The following RIC1 variants were observed in gnomAD, a reference collection of about 807,000 sequenced individuals.
The protein encoded by RIC1 is guanine nucleotide exchange factor subunit RIC1.
RIC1 carries 88 observed loss-of-function variants against 169.0 expected under a neutral mutation model. The observed-to-expected ratio is 0.52, with a 90% confidence interval of 0.44 to 0.62. RIC1 has a LOEUF of 0.62. Among genes scored for constraint, RIC1 ranks in the 20% least tolerant of loss-of-function variants. The pLI is 0.00. For missense variants in RIC1, 1,877 were observed against 1,725.5 expected, an observed-to-expected ratio of 1.09 and a Z score of -1.56; for synonymous variants, 790 against 601.5, an observed-to-expected ratio of 1.31 and a Z score of -4.59.
chr9:5,678,060 A>C (rs543096706), intron 2 of RIC1, among the ~76,000 whole-genome samples: 113 of 144,174 alleles, frequency 7.8e-4, no homozygotes, highest in Middle Eastern at 3.5e-3. Flanking sequence ...ATGTGTTCTC[A>C]TTGTTCAATT....
intron 10 of RIC1, among the ~76,000 whole-genome samples, chr9:5,745,581 C>T (rs1291291183): frequency 6.6e-6 from 1 of 152,092 alleles, no homozygotes; most frequent in Non-Finnish European, 1.5e-5. Flanking sequence ...CCTGGGGTGT[C>T]TTCTGTAAGG....
chr9:5,669,562 C>G (rs538064313), intron 2 of RIC1, among the ~76,000 whole-genome samples: 86 of 152,042 alleles, frequency 5.7e-4, no homozygotes, highest in Non-Finnish European at 8.5e-4. Flanking sequence ...GTCATCTTGC[C>G]CATATGACAT....
chr9:5,724,272 C>T (rs1357714431), intron 6 of RIC1, among the ~76,000 whole-genome samples: 1 of 152,202 alleles, frequency 6.6e-6, no homozygotes, highest in African/African-American at 2.4e-5. Flanking sequence ...AGAGGTCCTT[C>T]ACATCCCTTG....
chr9:5,644,467 C>A (rs528455193), intron 1 of RIC1, among the ~76,000 whole-genome samples: 1 of 152,236 alleles, frequency 6.6e-6, no homozygotes, highest in African/African-American at 2.4e-5. Flanking sequence ...AAAGTCTGGG[C>A]TTTTAGTGTA....
intron 1 of RIC1, among the ~76,000 whole-genome samples, chr9:5,635,367 TA>T (rs1239195024): frequency 5.3e-5 from 8 of 152,196 alleles, no homozygotes; most frequent in Admixed American, 5.2e-4. Flanking sequence ...TAGTGTAAGA[TA>T]AGGGTCCAGT....
intron 3 of RIC1, chr9:5,713,318 A>G (rs1421046312): frequency 6.6e-6 from 1 of 152,338 alleles, no homozygotes; most frequent in African/African-American, 2.4e-5. Flanking sequence ...GTTGGCATTG[A>G]CCCAGCACTC....
rs962571544 is a variant in RIC1, at chr9:5,770,079, C to A, written c.3425-8C>A. The A allele has an allele frequency of 5.6e-6, 9 of 1,605,290 alleles. No homozygotes were observed. The highest frequency in any genetic ancestry group is 7.7e-6 in the Non-Finnish European group (9 of 1,175,392). The stretch of plus-strand genomic sequence containing the variant: ...CCTCCATTTTTTGTTTTCGGACCCA[C>A]TCTGCAGTGGGAGAGCAGCTGTTAA... On this transcript the variant is annotated splice_polypyrimidine_tract_variant and splice_region_variant and intron_variant, in intron 22 of 25. Transcript: ENST00000414202.
chr9:5,638,237 A>G (rs989871438), intron 1 of RIC1, among the ~76,000 whole-genome samples: 5 of 152,082 alleles, frequency 3.3e-5, no homozygotes, highest in African/African-American at 1.2e-4. Context: ...ATATTGTTGA[A>G]TCTCATTAGC....
Position 5,642,361 on chromosome 9 carries a change from G to T in RIC1, c.144+12908G>T, listed in dbSNP as rs1229854073. The stretch of plus-strand genomic sequence containing the variant: ...TAGACCTGAAGCCAGCAGAGCACTG[G>T]GTCTCATCCAAGGCCTGCTGTCACC... On this transcript the variant is annotated intron_variant, in intron 1 of 25. Coordinates refer to ENST00000414202, the MANE Select transcript of RIC1 (RefSeq NM_020829.4). 2.1e-5 allele frequency among the ~76,000 whole-genome samples: 3 copies of T among 143,492 alleles called. 1 individual carries two copies. Among genetic ancestry groups the T allele is most frequent in the African/African-American group, 8.6e-5 (3 of 34,774 alleles). The allele number at this position is 143,492 out of a possible 152,430, so 94.1% of individuals were successfully genotyped here.
intron 1 of RIC1, among the ~76,000 whole-genome samples, chr9:5,642,093 G>A (rs1321662148): frequency 1.4e-5 from 2 of 144,602 alleles, no homozygotes; most frequent in Non-Finnish European, 3.0e-5. Flanking sequence ...GTTATTCGAA[G>A]GGACTTGGGC....
At chr9:5,721,133 C>A (rs1197673073) in intron 6 of RIC1, among the ~76,000 whole-genome samples, 2 of 152,156 alleles carry the variant, frequency 1.3e-5, no homozygotes. Flanking sequence ...CCTGCTTCCA[C>A]CATACTTATA....
chr9:5,662,394 T>G (rs1819507741), intron 2 of RIC1, among the ~76,000 whole-genome samples: 1 of 152,142 alleles, frequency 6.6e-6, no homozygotes, highest in African/African-American at 2.4e-5. Flanking sequence ...TGGAATAGTT[T>G]CAGTAGAAAT....
intron 2 of RIC1, among the ~76,000 whole-genome samples, chr9:5,672,768 G>T (rs929608556): frequency 2.0e-5 from 3 of 152,098 alleles, no homozygotes; most frequent in African/African-American, 7.2e-5. Context: ...ATGAAAAAAC[G>T]TACATATCTA....
chr9:5,637,443 A>G (rs963239678), intron 1 of RIC1, among the ~76,000 whole-genome samples: 3 of 152,174 alleles, frequency 2.0e-5, no homozygotes, highest in Non-Finnish European at 4.4e-5. Flanking sequence ...CCCCTCAAGC[A>G]TTTAACCTTC....
intron 14 of RIC1, among the ~76,000 whole-genome samples, chr9:5,754,486 T>A (rs1825889236): frequency 6.6e-6 from 1 of 152,192 alleles, no homozygotes; most frequent in African/African-American, 2.4e-5. Flanking sequence ...CCCAGCACTT[T>A]GGGAGGCCGA....
intron 2 of RIC1, among the ~76,000 whole-genome samples, chr9:5,673,958 A>T (rs1277625769): frequency 6.6e-6 from 1 of 152,172 alleles, no homozygotes; most frequent in East Asian, 1.9e-4. Context: ...AAAGAAAAAA[A>T]TTGTATTTTA....
At chr9:5,777,081 T>A (rs1827630146), downstream of RIC1, among the ~76,000 whole-genome samples, 5 of 152,254 alleles carry the variant, frequency 3.3e-5, no homozygotes, top group Admixed American at 2.6e-4. Flanking sequence ...TAGTGTCTCA[T>A]CATAGTTTAG....
chr9:5,635,658 A>G (rs976273189), intron 1 of RIC1, among the ~76,000 whole-genome samples: 3 of 152,170 alleles, frequency 2.0e-5, no homozygotes, highest in Admixed American at 6.5e-5. Flanking sequence ...CTCTAATCGT[A>G]ATCCTCATAA....
intron 2 of RIC1, among the ~76,000 whole-genome samples, chr9:5,678,130 G>A (rs1820571799): frequency 6.6e-6 from 1 of 152,006 alleles, no homozygotes; most frequent in African/African-American, 2.4e-5. Context: ...AGTTTGCTGA[G>A]AATGATGGTT....
Sources: gnomAD v4.1 joint callset for allele counts (sites outside exome capture counted in the v4.1 genomes callset) on GRCh38, gnomAD v4.1.1 for gene constraint, MANE v1.5 for transcripts, NCBI Gene and HGNC (gene_info 2026-07-23, HGNC 2026-07-21) for gene names.